Variants in PDE6A observed in about 807,000 individuals in gnomAD.
PDE6A encodes the protein rod cGMP-specific 3',5'-cyclic phosphodiesterase subunit alpha.
PDE6A carries 84 observed loss-of-function variants against 106.3 expected under a neutral mutation model. That is an observed-to-expected ratio of 0.79 (90% CI 0.66 to 0.95). The LOEUF is 0.95. PDE6A is among the 40% of genes least tolerant of loss of function. The pLI is 0.00. For missense variants in PDE6A, 1,052 were observed against 1,084.9 expected, an observed-to-expected ratio of 0.97 and a Z score of 0.43; for synonymous variants, 394 against 386.6, an observed-to-expected ratio of 1.02 and a Z score of -0.23.
chr5:149,921,700 C>T lies in PDE6A; in HGVS notation c.868G>A (p.Asp290Asn). 1 of 1,613,340 alleles carries T rather than the reference C, an allele frequency of 6.2e-7. No homozygotes were observed. Among genetic ancestry groups the T allele is most frequent in the Non-Finnish European group, 8.5e-7 (1 of 1,179,444 alleles). The part of the protein sequence containing the change: ...LDMTKQKEFF[D>N]VWPVLMGEVP... Reference sequence around the variant, plus strand: ...TCACCCATCAGAACCGGCCACACATCAAAAAATTCCTAGGAATGAGAAAAA... The same window carrying T: ...TCACCCATCAGAACCGGCCACACATTAAAAAATTCCTAGGAATGAGAAAAA... Residue 290 changes from aspartate to asparagine, a missense_variant, in exon 5 of 22, where the codon GAT becomes AAT. Asp to Asn is a conservative substitution (Grantham distance 23). Around this residue, in one of 3 missense-constraint regions of PDE6A, gnomAD observed 913 missense variants for 915.2 expected, o/e 1.00. Coordinates refer to ENST00000255266, the MANE Select transcript of PDE6A (RefSeq NM_000440.3).
intron 6 of PDE6A, among the ~76,000 whole-genome samples, chr5:149,914,073 C>A (rs1016604521): frequency 3.9e-5 from 6 of 152,172 alleles, no homozygotes; most frequent in Non-Finnish European, 8.8e-5. Context: ...CTGCAGAAAA[C>A]AGTTGAAAAT....
rs1342803472 is a variant in PDE6A at position 149,928,230 on chromosome 5, TA to T, written c.858+2797del. Among the ~76,000 whole-genome samples the T allele has an allele frequency of 1.2e-3, 76 of 62,060 alleles. 2 individuals carry two copies. Among genetic ancestry groups the T allele is most frequent in the East Asian group, 8.4e-3 (29 of 3,460 alleles). The allele number at this position is 62,060 out of a possible 152,430, so 40.7% of individuals were successfully genotyped here. A position where few individuals can be genotyped will look rare whatever the true frequency, so the allele number is the denominator to read the frequency against. On this transcript the variant is annotated intron_variant, in intron 4 of 21. Transcript: ENST00000255266. ...TGTGCTATATATATATATATATATA[TA>T]TTTTTTTTTTTTTTTTTTTTGAGAC...
At position 149,894,693 on chromosome 5, in the gene PDE6A, G is replaced by A. The variant is rs540544952; in HGVS notation, c.1728+490C>T. ...TGTCACCAGGCTGGAGTGCAGTGGCGCGATCTTGGCTCACTGCAACCTCTG... is the reference window on the plus strand; with the variant it reads ...TGTCACCAGGCTGGAGTGCAGTGGCACGATCTTGGCTCACTGCAACCTCTG... On this transcript the variant is annotated intron_variant, in intron 13 of 21. Coordinates refer to ENST00000255266, the MANE Select transcript of PDE6A (RefSeq NM_000440.3). 2.5e-3 allele frequency among the ~76,000 whole-genome samples: 366 copies of A among 145,340 alleles called. 2 individuals are homozygous for A. The highest frequency in any genetic ancestry group is 8.5e-3 in the African/African-American group (334 of 39,120).
intron 6 of PDE6A, among the ~76,000 whole-genome samples, chr5:149,912,442 A>C (rs1010472184): frequency 6.6e-6 from 1 of 152,228 alleles, no homozygotes. Flanking sequence ...ACAAGGTCAG[A>C]CTGCGTTTCC....
At chr5:149,925,697 ACT>A (rs1422402483) in intron 4 of PDE6A, among the ~76,000 whole-genome samples, 1 of 114,926 alleles carries the variant, frequency 8.7e-6, no homozygotes, top group African/African-American at 3.4e-5. Context: ...ACAGAATGAG[ACT>A]CTGTCTCAAA....
intron 12 of PDE6A, 26 bp from the exon 13 acceptor site, chr5:149,895,316 G>T (rs1389169776): frequency 1.4e-6 from 2 of 1,458,522 alleles, no homozygotes; most frequent in South Asian, 1.1e-5. Context: ...CATCAGTGAG[G>T]CAGGACACAC....
intron 4 of PDE6A, among the ~76,000 whole-genome samples, chr5:149,922,071 A>G (rs1753738901): frequency 1.3e-5 from 2 of 152,192 alleles, no homozygotes; most frequent in South Asian, 4.1e-4. Context: ...CCCAAGCAGT[A>G]TCATTTATAG....
intron 15 of PDE6A, 82 bp downstream of exon 15, chr5:149,884,698 C>T: frequency 6.8e-7 from 1 of 1,477,964 alleles, no homozygotes. Context: ...GAAGAATGCT[C>T]CCTGGGCACA....
At chr5:149,898,645 C>T (rs879393838) in intron 9 of PDE6A, 139 bp from the exon 10 acceptor site, 36 of 792,538 alleles carry the variant, frequency 4.5e-5, no homozygotes, top group East Asian at 1.9e-4. Flanking sequence ...GCCCACCTTG[C>T]GGAGTTCTTA....
chr5:149,906,639 T>C lies in PDE6A; in HGVS notation c.1065+673A>G, dbSNP rs1169357896. On this transcript the variant is annotated intron_variant, in intron 7 of 21. Transcript: ENST00000255266. ...TGTCTTCCTGTCTCAAATCTAATAC[T>C]CCAGCCACACTTAACCATACACAGC... Among the ~76,000 whole-genome samples, 3 of 151,710 alleles carry C rather than the reference T, an allele frequency of 2.0e-5. No individual in the cohort carries two copies. The South Asian group carries it at 6.3e-4, about 32-fold the overall frequency.
intron 17 of PDE6A, among the ~76,000 whole-genome samples, chr5:149,876,349 CTTTTTTTTTTTT>C (rs896643767): frequency 8.3e-6 from 1 of 120,126 alleles, no homozygotes; most frequent in Non-Finnish European, 1.8e-5. Flanking sequence ...CATTTTTCCT[CTTTTTTTTTTTT>C]TTTTTTTTTT....
At chr5:149,920,998 A>AAAG (rs1561769648) in intron 5 of PDE6A, among the ~76,000 whole-genome samples, 4 of 134,328 alleles carry the variant, frequency 3.0e-5, no homozygotes, top group Non-Finnish European at 4.8e-5. Context: ...AAGAAAGAAA[A>AAAG]AGAAAGAAAA....
intron 5 of PDE6A, among the ~76,000 whole-genome samples, chr5:149,915,574 C>T (rs1484894129): frequency 6.6e-6 from 1 of 152,122 alleles, no homozygotes; most frequent in South Asian, 2.1e-4. Flanking sequence ...GCGTGCTTCA[C>T]CTTGGAGGCA....
chr5:149,919,890 A>G (rs1246233051), intron 5 of PDE6A, among the ~76,000 whole-genome samples: 2 of 152,250 alleles, frequency 1.3e-5, no homozygotes, highest in Non-Finnish European at 2.9e-5. Context: ...AAGTAGATGA[A>G]GCAAGATGTA....
At chr5:149,871,075 A>G (rs972625599) in intron 17 of PDE6A, among the ~76,000 whole-genome samples, 1 of 152,174 alleles carries the variant, frequency 6.6e-6, no homozygotes, top group Non-Finnish European at 1.5e-5. Flanking sequence ...AATGGACAGA[A>G]TGTTTGTCTC....
intron 2 of PDE6A, among the ~76,000 whole-genome samples, chr5:149,934,292 T>C (rs1754125553): frequency 6.6e-6 from 1 of 152,252 alleles, no homozygotes; most frequent in Admixed American, 6.5e-5. Context: ...TATCAACATT[T>C]TACAAATAAG....
At position 149,860,800 on chromosome 5, in the gene PDE6A, T is replaced by A. The variant is rs1581141704; in HGVS notation, c.*95A>T. ...TCTAACAGCTTTCAAATCCTATGACTCTTCTACTTCTCAAGGTGTGTGGTC... is the reference window on the plus strand; with the variant it reads ...TCTAACAGCTTTCAAATCCTATGACACTTCTACTTCTCAAGGTGTGTGGTC... On this transcript the variant is annotated 3_prime_UTR_variant, in exon 22 of 22. Transcript: ENST00000255266. The A allele has an allele frequency of 9.7e-7, 1 of 1,027,496 alleles. No homozygotes were observed. The highest frequency in any genetic ancestry group is 2.5e-5 in the East Asian group (1 of 40,718). 63.6% of individuals were successfully genotyped at this position (1,027,496 alleles called of 1,614,324 possible).
chr5:149,870,946 G>GAAAAGAAAAGAAAAGAAA (rs1561684651), intron 17 of PDE6A, among the ~76,000 whole-genome samples: 147 of 147,890 alleles, frequency 9.9e-4, no homozygotes, highest in African/African-American at 3.6e-3. Context: ...GAGAAGAGAA[G>GAAAAGAAAAGAAAAGAAA]AGAAAAGAAA....
chr5:149,941,070 C>A (rs961766699), intron 1 of PDE6A, among the ~76,000 whole-genome samples: 1 of 152,146 alleles, frequency 6.6e-6, no homozygotes, highest in Admixed American at 6.5e-5. Flanking sequence ...GAATAAGACC[C>A]GCATGGGCCC....
Sources: gnomAD v4.1 joint callset for allele counts (sites outside exome capture counted in the v4.1 genomes callset) on GRCh38, gnomAD v4.1.1 for gene constraint, gnomAD v4.1.1 regional missense constraint, MANE v1.5 for transcripts, NCBI Gene and HGNC (gene_info 2026-07-23, HGNC 2026-07-21) for gene names.